SGCD: variants seen among roughly 807,000 people sequenced by gnomAD.
The protein encoded by SGCD is sarcoglycan delta.
SGCD carries 18 observed loss-of-function variants against 36.6 expected under a neutral mutation model. That is an observed-to-expected ratio of 0.49 (90% CI 0.34 to 0.73). The LOEUF (loss-of-function observed/expected upper bound fraction) is 0.73. Among genes scored for constraint, SGCD ranks in the 30% least tolerant of loss-of-function variants. SGCD has a pLI of 0.01. For missense variants in SGCD, 387 were observed against 346.7 expected, an observed-to-expected ratio of 1.12 and a Z score of -0.92; for synonymous variants, 133 against 130.6, an observed-to-expected ratio of 1.02 and a Z score of -0.12.
At chr5:155,771,328 A>G in the SGCD span, among the ~76,000 whole-genome samples, 2 of 152,052 alleles carry the variant, frequency 1.3e-5, no homozygotes, top group African/African-American at 4.8e-5. Context: ...AGCTCACTCC[A>G]TGCTCAAACT....
rs922282721 is a variant in SGCD at position 156,763,458 on chromosome 5, A to G, written c.*4068A>G. ...AGCAAAATACATGGGGACAAAAAAA[A>G]TACAGTGAAATTCTTTTTATCAAAC... On this transcript the variant is annotated 3_prime_UTR_variant, in exon 9 of 9. Transcript: ENST00000337851. 5.9e-5 allele frequency: 9 copies of G among 152,634 alleles called. No individual in the cohort carries two copies. Among genetic ancestry groups the G allele is most frequent in the Admixed American group, 3.9e-4 (6 of 15,286 alleles). 9.5% of individuals were successfully genotyped at this position (152,634 alleles called of 1,614,324 possible).
rs1367532150 is a variant in SGCD, at chr5:156,182,145, C to A, written c.-44+58126C>A. 2.6e-5 allele frequency among the ~76,000 whole-genome samples: 4 copies of A among 152,102 alleles called. No individual in the cohort carries two copies. The East Asian group carries it at 7.7e-4, about 29-fold the overall frequency. ...GTTTGTGGAAATTGACACACTGATT[C>A]TAAAATTTATATGGAAATGCAGAGC... is the stretch of plus-strand genomic sequence containing the variant. On this transcript the variant is annotated intron_variant, in intron 3 of 9. Transcript: ENST00000517913.
intron 1 of SGCD, among the ~76,000 whole-genome samples, chr5:155,996,465 A>AT (rs1300705832): frequency 6.6e-6 from 1 of 152,138 alleles, no homozygotes; most frequent in Non-Finnish European, 1.5e-5. Context: ...ATTGTTTCTA[A>AT]TTTTATATAT....
At chr5:155,733,095 C>T in the SGCD span, among the ~76,000 whole-genome samples, 58 of 150,404 alleles carry the variant, frequency 3.9e-4, no homozygotes, top group African/African-American at 1.4e-3. Context: ...GCATGAGTGT[C>T]GGCATTTGTA....
rs1763720184 is a variant in SGCD, at chr5:156,185,481, T to G, written c.-44+61462T>G. Among the ~76,000 whole-genome samples, 3 of 152,140 alleles carry G rather than the reference T, an allele frequency of 2.0e-5. No individual in the cohort carries two copies. The South Asian group carries it at 6.2e-4, about 31-fold the overall frequency. On this transcript the variant is annotated intron_variant, in intron 3 of 9. Coordinates refer to the SGCD transcript ENST00000517913. ...CGCCCGCCTTGGCCTCCCAAAGTGC[T>G]GGGATTACAGATGTGAGCCACCGCG... is the stretch of plus-strand genomic sequence containing the variant.
At chr5:156,370,684 C>T (rs1770334681) in intron 3 of SGCD, among the ~76,000 whole-genome samples, 1 of 152,136 alleles carries the variant, frequency 6.6e-6, no homozygotes, top group African/African-American at 2.4e-5. Context: ...ATTTACAAGA[C>T]TGAAACATAC....
At chr5:156,754,770 T>C (rs1757275966) in intron 7 of SGCD, among the ~76,000 whole-genome samples, 1 of 152,142 alleles carries the variant, frequency 6.6e-6, no homozygotes, top group East Asian at 1.9e-4. Context: ...TTAAATGAGA[T>C]AACACATTAG....
rs140957389 is a variant in SGCD at position 156,333,717 on chromosome 5, C to T, written c.3+4138C>T. ...GGATTAAATACATGTAGAACAATGG[C>T]TAGTACATAGTACCATTATACAAGT... On this transcript the variant is annotated intron_variant, in intron 2 of 8. Transcript: ENST00000337851. 2.1e-3 allele frequency among the ~76,000 whole-genome samples: 300 copies of T among 139,802 alleles called. 3 individuals carry two copies. The highest frequency in any genetic ancestry group is 7.6e-3 in the African/African-American group (287 of 37,726). The allele number at this position is 139,802 out of a possible 152,430, so 91.7% of individuals were successfully genotyped here. A position where few individuals can be genotyped will look rare whatever the true frequency, so the allele number is the denominator to read the frequency against.
chr5:156,097,917 A>G (rs1048833359), intron 1 of SGCD, among the ~76,000 whole-genome samples: 6 of 152,166 alleles, frequency 3.9e-5, no homozygotes, highest in African/African-American at 7.2e-5. Flanking sequence ...TTTGTTTCCA[A>G]TGGCAGAAGC....
rs186038735 is a variant in SGCD, at chr5:155,980,309, G to C, written c.-282+109885G>C. On this transcript the variant is annotated intron_variant, in intron 1 of 9. Transcript: ENST00000517913. ...ACTAGTAAAGAGTTCTTATTGGCCA[G>C]GAGCGGTGGTTCACGCCTATAATCC... Among the ~76,000 whole-genome samples the C allele has an allele frequency of 8.8e-3, 1,344 of 152,228 alleles. 8 individuals carry two copies. Among genetic ancestry groups the C allele is most frequent in the Non-Finnish European group, 0.011 (733 of 68,012 alleles).
At chr5:155,834,327 G>A in the SGCD span, among the ~76,000 whole-genome samples, 1 of 152,172 alleles carries the variant, frequency 6.6e-6, no homozygotes, top group Non-Finnish European at 1.5e-5. Flanking sequence ...GGTACTGCAT[G>A]TAAATATTGA....
chr5:156,277,596 T>C (rs949929331), intron 3 of SGCD, among the ~76,000 whole-genome samples: 2 of 152,160 alleles, frequency 1.3e-5, no homozygotes, highest in Non-Finnish European at 2.9e-5. Context: ...CAGTTTACTC[T>C]TCAGAGAGGT....
chr5:156,020,887 A>G (rs1759081429), intron 1 of SGCD, among the ~76,000 whole-genome samples: 1 of 152,114 alleles, frequency 6.6e-6, no homozygotes, highest in East Asian at 1.9e-4. Context: ...AACTGCTGTG[A>G]CCTCTTGCAC....
At chr5:156,698,688 T>C (rs1754411502) in intron 7 of SGCD, among the ~76,000 whole-genome samples, 1 of 152,206 alleles carries the variant, frequency 6.6e-6, no homozygotes, top group East Asian at 1.9e-4. Flanking sequence ...TGCACAGCTC[T>C]GGAGACATAC....
intron 3 of SGCD, among the ~76,000 whole-genome samples, chr5:156,417,622 C>T (rs1400935383): frequency 6.6e-6 from 1 of 152,112 alleles, no homozygotes; most frequent in Non-Finnish European, 1.5e-5. Flanking sequence ...TGGCTTGCAT[C>T]CTCACATGGT....
chr5:156,142,032 G>A (rs1173476690), intron 3 of SGCD, among the ~76,000 whole-genome samples: 1 of 152,128 alleles, frequency 6.6e-6, no homozygotes, highest in Admixed American at 6.5e-5. Flanking sequence ...GGGGCCTGGT[G>A]GGAGATGATT....
At chr5:156,175,479 C>T (rs1299014297) in intron 3 of SGCD, among the ~76,000 whole-genome samples, 1 of 152,106 alleles carries the variant, frequency 6.6e-6, no homozygotes, top group Non-Finnish European at 1.5e-5. Flanking sequence ...ACCTCTTAGT[C>T]TCATCTCTGT....
chr5:156,715,868 T>G (rs1472406354), intron 7 of SGCD, among the ~76,000 whole-genome samples: 1 of 152,166 alleles, frequency 6.6e-6, no homozygotes, highest in Non-Finnish European at 1.5e-5. Context: ...TGTGCCAAGG[T>G]GTTCTTAGAA....
intron 3 of SGCD, among the ~76,000 whole-genome samples, chr5:156,366,166 T>G (rs1444026522): frequency 6.6e-6 from 1 of 152,164 alleles, no homozygotes; most frequent in Non-Finnish European, 1.5e-5. Context: ...TGGGATAAGT[T>G]TTTCCTCTTT....
Sources: gnomAD v4.1 joint callset for allele counts (sites outside exome capture counted in the v4.1 genomes callset) on GRCh38, gnomAD v4.1.1 for gene constraint, MANE v1.5 for transcripts, NCBI Gene and HGNC (gene_info 2026-07-23, HGNC 2026-07-21) for gene names.